LUZP1: variants seen among roughly 807,000 people sequenced by gnomAD.
LUZP1 encodes the protein filamin mechanobinding actin cross-linking protein.
Under a neutral mutation model 71.3 loss-of-function variants are expected in LUZP1, and 25 were observed. The ratio of observed to expected loss-of-function variants is 0.35; its 90% CI spans 0.26 to 0.49. The LOEUF is 0.49. Among genes scored for constraint, LUZP1 ranks in the 20% least tolerant of loss-of-function variants. The pLI is 0.99. For synonymous variants in LUZP1, 481 were observed against 506.4 expected (o/e 0.95, Z 0.67); for missense variants, 1,142 against 1,300.8 (o/e 0.88, Z 1.88).
intron 3 of LUZP1, among the ~76,000 whole-genome samples, chr1:23,103,847 G>A (rs866866318): frequency 4.1e-3 from 15 of 3,658 alleles, no homozygotes; most frequent in African/African-American, 0.013. Flanking sequence ...AGAGAGGGAG[G>A]GAGGGAGGGA....
At chr1:23,111,064 G>A (rs1237657229) in intron 2 of LUZP1, among the ~76,000 whole-genome samples, 1 of 151,974 alleles carries the variant, frequency 6.6e-6, no homozygotes, top group Non-Finnish European at 1.5e-5. Flanking sequence ...GCTGGGCATG[G>A]TGACATGTGC....
At chr1:23,153,112 A>T (rs1644396460) in intron 2 of LUZP1, among the ~76,000 whole-genome samples, 1 of 152,184 alleles carries the variant, frequency 6.6e-6, no homozygotes, top group Non-Finnish European at 1.5e-5. Context: ...TGATTCCCAA[A>T]TGTTAGCAAG....
At chr1:23,174,269 T>C (rs1193286572) in intron 1 of LUZP1, among the ~76,000 whole-genome samples, 2 of 152,152 alleles carry the variant, frequency 1.3e-5, no homozygotes. Flanking sequence ...ATGTTCCAGC[T>C]CAATGAGAGA....
At chr1:23,168,952 T>TC (rs1644534569) in exon 2 of LUZP1, 1 of 152,176 alleles carries the variant, frequency 6.6e-6, no homozygotes, top group South Asian at 2.1e-4. Context: ...CCTCCGTCCT[T>TC]TTTTTCCCTT....
chr1:23,104,281 G>A (rs923591134), intron 3 of LUZP1, among the ~76,000 whole-genome samples: 1 of 151,772 alleles, frequency 6.6e-6, no homozygotes, highest in Non-Finnish European at 1.5e-5. Flanking sequence ...CTGGGTTCAA[G>A]GGATTCTCGA....
At position 23,093,795 on chromosome 1, in the gene LUZP1, T is replaced by C; in HGVS notation, c.467A>G (p.Glu156Gly). The change falls in exon 4 of 5, where the codon GAA becomes GGA. Residue 156 changes from glutamate to glycine, a missense_variant. Transcript: ENST00000302291. This position sits in a 1 kb window ranked among gnomAD's most constrained non-coding sequence, Gnocchi z 4.2. ...TTCTTTCACTTTGACTCTGAGCATT[T>C]CCAGCTCAGAGGAGATTTTCTTGGT... 1 of 1,613,968 alleles carries C rather than the reference T, an allele frequency of 6.2e-7. No individual in the cohort carries two copies. The highest frequency in any genetic ancestry group is 1.1e-5 in the South Asian group (1 of 91,090).
intron 2 of LUZP1, among the ~76,000 whole-genome samples, chr1:23,123,984 G>C (rs1291386135): frequency 6.6e-6 from 1 of 151,650 alleles, no homozygotes; most frequent in Non-Finnish European, 1.5e-5. Context: ...AAAACATTCA[G>C]ATGTCTTAGA....
chr1:23,135,224 T>C (rs963246175), intron 2 of LUZP1, among the ~76,000 whole-genome samples: 3 of 152,218 alleles, frequency 2.0e-5, no homozygotes, highest in Non-Finnish European at 2.9e-5. Flanking sequence ...CAGTTAAATA[T>C]GTGAATAATC....
chr1:23,139,653 C>T (rs1156233382), intron 2 of LUZP1, among the ~76,000 whole-genome samples: 1 of 152,108 alleles, frequency 6.6e-6, no homozygotes, highest in Non-Finnish European at 1.5e-5. Context: ...ACATACAACA[C>T]AGAAAATATG....
intron 2 of LUZP1, among the ~76,000 whole-genome samples, chr1:23,114,966 T>C (rs1303278365): frequency 6.6e-6 from 1 of 152,204 alleles, no homozygotes; most frequent in Non-Finnish European, 1.5e-5. Flanking sequence ...AACCATGCTA[T>C]CTCCATTTGC....
rs1643881936 is a variant in LUZP1 at position 23,094,308 on chromosome 1, C to G, written c.-47G>C. 6.6e-7 allele frequency: 1 copy of G among 1,525,588 alleles called. No homozygotes were observed. Among genetic ancestry groups the G allele is most frequent in the South Asian group, 1.3e-5 (1 of 74,830 alleles). 94.5% of individuals were successfully genotyped at this position (1,525,588 alleles called of 1,614,324 possible). A position where few individuals can be genotyped will look rare whatever the true frequency, so the allele number is the denominator to read the frequency against. On this transcript the variant is annotated 5_prime_UTR_variant, in exon 4 of 5. Transcript: ENST00000302291. The surrounding 1 kb of genome is among the most constrained non-coding windows in gnomAD (Gnocchi z 4.7). ...GCTCCTAGAGGCATCCAATTCCACT[C>G]AAGGGGATGAGAAATGGTTACCTTT...
chr1:23,092,604 G>A (rs1643867915), exon 4 of LUZP1: 1 of 1,614,200 alleles, frequency 6.2e-7, no homozygotes, highest in South Asian at 1.1e-5. Flanking sequence ...TGCAGCCTGA[G>A]TTACTTGACT....
chr1:23,094,465 T>C lies in LUZP1; in HGVS notation c.-119-85A>G. On this transcript the variant is annotated intron_variant, in intron 3 of 4. Transcript: ENST00000302291. This position sits in a 1 kb window ranked among gnomAD's most constrained non-coding sequence, Gnocchi z 4.7. Reference sequence around the variant, plus strand: ...CCAGTTATAGAAAAGTGCTCCTATCTGTTCCTGGTGCCTGGATCATAGCAG... The same window carrying C: ...CCAGTTATAGAAAAGTGCTCCTATCCGTTCCTGGTGCCTGGATCATAGCAG... 1.0e-6 allele frequency: 1 copy of C among 984,646 alleles called. No individual in the cohort carries two copies. Among genetic ancestry groups the C allele is most frequent in the Non-Finnish European group, 1.4e-6 (1 of 730,148 alleles). 61.0% of individuals were successfully genotyped at this position (984,646 alleles called of 1,614,324 possible).
chr1:23,105,506 T>G (rs902284389), intron 3 of LUZP1, among the ~76,000 whole-genome samples: 1 of 152,238 alleles, frequency 6.6e-6, no homozygotes, highest in African/African-American at 2.4e-5. Flanking sequence ...ATTTGAATTC[T>G]CTATGCTTCA....
intron 3 of LUZP1, among the ~76,000 whole-genome samples, chr1:23,107,259 C>T (rs1157547174): frequency 6.6e-6 from 1 of 152,166 alleles, no homozygotes; most frequent in East Asian, 1.9e-4. Flanking sequence ...CCTTACGCTG[C>T]TTTTTTGTCT....
At chr1:23,141,865 G>A (rs1644305994) in intron 2 of LUZP1, among the ~76,000 whole-genome samples, 1 of 144,376 alleles carries the variant, frequency 6.9e-6, no homozygotes, top group African/African-American at 2.6e-5. Context: ...TTTTTTTTGA[G>A]ACAGTTTTGC....
At chr1:23,138,869 G>A (rs1256030009) in intron 2 of LUZP1, among the ~76,000 whole-genome samples, 1 of 149,866 alleles carries the variant, frequency 6.7e-6, no homozygotes, top group African/African-American at 2.5e-5. Context: ...ATGGTGGCAC[G>A]TGCCTATAGT....
intron 2 of LUZP1, among the ~76,000 whole-genome samples, chr1:23,161,302 A>C (rs1177111420): frequency 1.3e-5 from 2 of 152,212 alleles, no homozygotes; most frequent in Non-Finnish European, 2.9e-5. Context: ...AGTAATAGGG[A>C]ATAATGGGAA....
intron 2 of LUZP1, among the ~76,000 whole-genome samples, chr1:23,151,194 G>A (rs896595270): frequency 2.0e-5 from 3 of 152,034 alleles, no homozygotes; most frequent in Non-Finnish European, 4.4e-5. Flanking sequence ...AAAGGCACCC[G>A]CCATCATGCC....
Sources: gnomAD v4.1 joint callset for allele counts (sites outside exome capture counted in the v4.1 genomes callset) on GRCh38, gnomAD v4.1.1 for gene constraint, Gnocchi (gnomAD v3.1) non-coding constraint, MANE v1.5 for transcripts, NCBI Gene and HGNC (gene_info 2026-07-23, HGNC 2026-07-21) for gene names.